The following KCNQ5 variants were observed in gnomAD, a reference collection of about 807,000 sequenced individuals.
KCNQ5 encodes the protein potassium voltage-gated channel subfamily Q member 5, also known as potassium voltage-gated channel subfamily KQT member 5.
KCNQ5 carries 30 observed loss-of-function variants against 98.2 expected under a neutral mutation model. The ratio of observed to expected loss-of-function variants is 0.31; its 90% confidence interval spans 0.23 to 0.41. The LOEUF (loss-of-function observed/expected upper bound fraction) is 0.41. KCNQ5 is among the 10% of genes least tolerant of loss of function. The probability of loss-of-function intolerance (pLI) is 1.00; values close to 1 mark genes in which losing one functional copy is unlikely to be tolerated. For missense variants in KCNQ5, 835 were observed against 1,182.5 expected (o/e 0.71, Z 4.31); for synonymous variants, 458 against 449.4 (o/e 1.02, Z -0.24).
chr6:73,003,874 T>A, intron 1 of KCNQ5, 34 bp from the exon 2 acceptor site: 1 of 1,383,884 alleles, frequency 7.2e-7, no homozygotes, highest in African/African-American at 1.4e-5. Context: ...TAAGGTAAGG[T>A]TCTTATCAGA....
At chr6:72,760,484 G>A (rs1036614553) in intron 1 of KCNQ5, among the ~76,000 whole-genome samples, 9 of 151,570 alleles carry the variant, frequency 5.9e-5, no homozygotes, top group African/African-American at 2.2e-4. Flanking sequence ...GTGTGTGCAC[G>A]TGTGCACTTG....
At chr6:72,689,725 A>G (rs1286856118) in intron 1 of KCNQ5, among the ~76,000 whole-genome samples, 1 of 152,130 alleles carries the variant, frequency 6.6e-6, no homozygotes, top group African/African-American at 2.4e-5. Context: ...ATTCAGTGAC[A>G]TTGCATGCAG....
intron 1 of KCNQ5, among the ~76,000 whole-genome samples, chr6:72,786,317 C>A (rs1773739003): frequency 6.6e-6 from 1 of 152,128 alleles, no homozygotes; most frequent in Non-Finnish European, 1.5e-5. Context: ...TGCTTAAATT[C>A]TTTGTAGATT....
chr6:72,659,874 C>T (rs1434742135), intron 1 of KCNQ5, among the ~76,000 whole-genome samples: 1 of 152,004 alleles, frequency 6.6e-6, no homozygotes, highest in African/African-American at 2.4e-5. Context: ...TTTTTCTTTT[C>T]GAAAATGCCA....
At chr6:73,109,092 A>T (rs949559347) in intron 6 of KCNQ5, among the ~76,000 whole-genome samples, 2 of 152,210 alleles carry the variant, frequency 1.3e-5, no homozygotes, top group Admixed American at 6.5e-5. Context: ...GGTGGAAAAA[A>T]ATTGGAAAGG....
intron 1 of KCNQ5, among the ~76,000 whole-genome samples, chr6:72,627,961 A>G (rs2098918839): frequency 6.6e-6 from 1 of 152,134 alleles, no homozygotes. Context: ...TTCAGGTTCC[A>G]TGGCACTCTA....
chr6:72,626,683 C>A (rs1445218804), intron 1 of KCNQ5, among the ~76,000 whole-genome samples: 2 of 152,136 alleles, frequency 1.3e-5, no homozygotes, highest in African/African-American at 4.8e-5. Context: ...TGAGAATTTT[C>A]CATTCATTGT....
intron 1 of KCNQ5, among the ~76,000 whole-genome samples, chr6:72,863,070 A>G (rs1402282637): frequency 6.6e-6 from 1 of 152,214 alleles, no homozygotes; most frequent in African/African-American, 2.4e-5. Context: ...CTTATGGCAG[A>G]CTAAATGACT....
chr6:72,936,784 G>A (rs1485545847), intron 1 of KCNQ5, among the ~76,000 whole-genome samples: 1 of 152,100 alleles, frequency 6.6e-6, no homozygotes, highest in African/African-American at 2.4e-5. Context: ...TCTGTTTCTT[G>A]CCTCCGTCTT....
Position 73,195,381 on chromosome 6 carries a change from T to A in KCNQ5, c.2766T>A (p.Asp922Glu). ...QSICKAGEST[D>E]ALSLPHVKLK ...TTTGTAAGGCAGGAGAAAGTACAGA[T>A]GCCCTCAGCTTGCCTCATGTCAAAC... Residue 922 changes from aspartate to glutamate, a missense_variant, in exon 14 of 14, where the codon GAT becomes GAA. Transcript: ENST00000370398. 6.2e-7 allele frequency: 1 copy of A among 1,613,866 alleles called. No homozygotes were observed. Among genetic ancestry groups the A allele is most frequent in the Middle Eastern group, 1.6e-4 (1 of 6,062 alleles).
chr6:72,711,962 G>C (rs999751922), intron 1 of KCNQ5, among the ~76,000 whole-genome samples: 1 of 152,182 alleles, frequency 6.6e-6, no homozygotes, highest in African/African-American at 2.4e-5. Flanking sequence ...GGAGCTCAGA[G>C]AACAGATGGA....
At chr6:72,929,015 A>G (rs1422355551) in intron 1 of KCNQ5, among the ~76,000 whole-genome samples, 1 of 152,136 alleles carries the variant, frequency 6.6e-6, no homozygotes, top group Non-Finnish European at 1.5e-5. Context: ...TCATGCGTAT[A>G]GAAGTATAGA....
intron 1 of KCNQ5, among the ~76,000 whole-genome samples, chr6:72,954,628 C>T (rs1766958201): frequency 6.6e-6 from 1 of 151,958 alleles, no homozygotes; most frequent in East Asian, 1.9e-4. Flanking sequence ...ATCTATCTCA[C>T]TGGTTATTGA....
At chr6:73,010,603 G>C (rs1231677488) in intron 2 of KCNQ5, among the ~76,000 whole-genome samples, 1 of 149,308 alleles carries the variant, frequency 6.7e-6, no homozygotes, top group Non-Finnish European at 1.5e-5. Context: ...CCTGTATACA[G>C]ATGATGTGAT....
chr6:72,732,931 A>C lies in KCNQ5; in HGVS notation c.398+110344A>C, dbSNP rs551409827. Among the ~76,000 whole-genome samples, 53 of 152,238 alleles carry C rather than the reference A, an allele frequency of 3.5e-4. 1 individual carries two copies. In the South Asian group the frequency reaches 0.011, roughly 32 times the overall value. On this transcript the variant is annotated intron_variant, in intron 1 of 13. Transcript: ENST00000370398. ...AAAATGGGGGAAAGAAAGGAGGAGG[A>C]TGCTCCAGTGTCTGTCCTGGACAAC... is the stretch of plus-strand genomic sequence containing the variant.
intron 1 of KCNQ5, among the ~76,000 whole-genome samples, chr6:72,694,003 T>C (rs1017244127): frequency 6.6e-6 from 1 of 152,316 alleles, no homozygotes; most frequent in Non-Finnish European, 1.5e-5. Flanking sequence ...GTTTTAGATT[T>C]AATTTTTTCC....
chr6:73,049,150 T>G (rs1177991145), intron 3 of KCNQ5, among the ~76,000 whole-genome samples: 1 of 152,220 alleles, frequency 6.6e-6, no homozygotes, highest in East Asian at 1.9e-4. Flanking sequence ...AAGTTTGTCT[T>G]TGTGGTGCCT....
At chr6:72,912,755 T>C (rs1259100517) in intron 1 of KCNQ5, among the ~76,000 whole-genome samples, 1 of 152,228 alleles carries the variant, frequency 6.6e-6, no homozygotes, top group Non-Finnish European at 1.5e-5. Context: ...AGTTCTCCAA[T>C]GCTATCTTTG....
intron 1 of KCNQ5, among the ~76,000 whole-genome samples, chr6:72,820,032 C>G (rs920957884): frequency 6.6e-6 from 1 of 152,186 alleles, no homozygotes; most frequent in Admixed American, 6.6e-5. Context: ...CACTACTCCT[C>G]CATTTTTCTC....
Sources: allele counts gnomAD v4.1 joint callset (sites outside exome capture counted in the v4.1 genomes callset), GRCh38; gene constraint gnomAD v4.1.1; transcripts MANE v1.5; gene names NCBI Gene and HGNC (gene_info 2026-07-23, HGNC 2026-07-21).